Variants in PTPN4 observed in about 807,000 individuals in gnomAD.
The protein encoded by PTPN4 is protein tyrosine phosphatase non-receptor type 4, also known as tyrosine-protein phosphatase non-receptor type 4.
PTPN4 carries 49 observed loss-of-function variants against 135.5 expected under a neutral mutation model. The ratio of observed to expected loss-of-function variants is 0.36; its 90% CI spans 0.29 to 0.46. The LOEUF (loss-of-function observed/expected upper bound fraction) is 0.46, where lower values mean the gene tolerates loss of function less well. Among genes scored for constraint, PTPN4 ranks in the 20% least tolerant of loss-of-function variants. The pLI, the probability that PTPN4 is intolerant of heterozygous loss-of-function variation, is 1.00. For missense variants in PTPN4, 860 were observed against 1,101.0 expected (o/e 0.78, Z 3.10); for synonymous variants, 333 against 369.9 (o/e 0.90, Z 1.14).
At chr2:119,818,085 T>C (rs1305668209) in intron 2 of PTPN4, among the ~76,000 whole-genome samples, 3 of 152,228 alleles carry the variant, frequency 2.0e-5, no homozygotes, top group Admixed American at 6.5e-5. Context: ...GTTTTCTAGA[T>C]ATAGGATCAT....
In PTPN4 at chr2:119,977,277, A is replaced by T; in HGVS notation, c.*207A>T. On this transcript the variant is annotated 3_prime_UTR_variant, in exon 27 of 27. Transcript: ENST00000263708. ...AACTCATGTATTTGAAGACTGTTTC[A>T]TGCTTTGCTCCGAACAAATAGTAAA... is the stretch of plus-strand genomic sequence containing the variant. 1 of 824,492 alleles carries T rather than the reference A, an allele frequency of 1.2e-6. No individual in the cohort carries two copies. Among genetic ancestry groups the T allele is most frequent in the Non-Finnish European group, 1.6e-6 (1 of 610,710 alleles). The allele number at this position is 824,492 out of a possible 1,614,324, so 51.1% of individuals were successfully genotyped here.
chr2:119,850,466 T>C (rs1677574788), intron 2 of PTPN4, among the ~76,000 whole-genome samples: 1 of 152,236 alleles, frequency 6.6e-6, no homozygotes, highest in Non-Finnish European at 1.5e-5. Flanking sequence ...CATACCATTC[T>C]GGAATTTAAA....
At chr2:119,973,262 G>T (rs947618698) in intron 26 of PTPN4, among the ~76,000 whole-genome samples, 1 of 151,886 alleles carries the variant, frequency 6.6e-6, no homozygotes, top group African/African-American at 2.4e-5. Flanking sequence ...TCATGTATTT[G>T]TCTTTTTCTG....
chr2:119,847,516 G>A (rs553683583), intron 2 of PTPN4, among the ~76,000 whole-genome samples: 5 of 151,792 alleles, frequency 3.3e-5, no homozygotes, highest in African/African-American at 4.8e-5. Context: ...TAGTAGAAAC[G>A]GTATTTCTCC....
At chr2:119,899,630 A>T (rs1390842563) in intron 9 of PTPN4, among the ~76,000 whole-genome samples, 1 of 152,160 alleles carries the variant, frequency 6.6e-6, no homozygotes, top group African/African-American at 2.4e-5. Flanking sequence ...TTGGGAGCAG[A>T]TAGGCTAATA....
intron 1 of PTPN4, among the ~76,000 whole-genome samples, chr2:119,779,674 T>C (rs1259277905): frequency 1.3e-5 from 2 of 152,110 alleles, no homozygotes; most frequent in Non-Finnish European, 2.9e-5. Context: ...GGTAATTGAT[T>C]GATGATTTTT....
At chr2:119,789,456 T>G (rs1223885298) in intron 1 of PTPN4, among the ~76,000 whole-genome samples, 1 of 152,220 alleles carries the variant, frequency 6.6e-6, no homozygotes, top group East Asian at 1.9e-4. Context: ...TTTTTTTCTT[T>G]TGTTGCCCGT....
At chr2:119,837,462 G>T (rs186025836) in intron 2 of PTPN4, among the ~76,000 whole-genome samples, 15 of 151,984 alleles carry the variant, frequency 9.9e-5, no homozygotes, top group Non-Finnish European at 1.8e-4. Context: ...TCCACTGTGG[G>T]TCTCCTGAGA....
intron 5 of PTPN4, among the ~76,000 whole-genome samples, chr2:119,881,084 A>G (rs1678071149): frequency 1.3e-5 from 2 of 152,170 alleles, no homozygotes; most frequent in African/African-American, 4.8e-5. Context: ...AGTATTGACA[A>G]ATCTTTGAGT....
chr2:119,823,235 CTTT>C (rs904685057), intron 2 of PTPN4, among the ~76,000 whole-genome samples: 9 of 139,588 alleles, frequency 6.4e-5, no homozygotes, highest in Non-Finnish European at 4.7e-5. Flanking sequence ...TCATCTGTTT[CTTT>C]TTTTTTTTTT....
intron 8 of PTPN4, 51 bp downstream of exon 8, chr2:119,882,674 C>T (rs1418081624): frequency 1.5e-6 from 2 of 1,375,514 alleles, no homozygotes; most frequent in African/African-American, 3.0e-5. Flanking sequence ...GGCATTCTTT[C>T]TAGAGAAATG....
In PTPN4 at chr2:119,981,280, T is replaced by C. The variant is rs1437251512; in HGVS notation, c.*4210T>C. The C allele has an allele frequency of 6.6e-6, 1 of 152,158 alleles. No homozygotes were observed. Among genetic ancestry groups the C allele is most frequent in the East Asian group, 1.9e-4 (1 of 5,204 alleles). The allele number at this position is 152,158 out of a possible 1,614,324, so 9.4% of individuals were successfully genotyped here. On this transcript the variant is annotated 3_prime_UTR_variant, in exon 27 of 27. Coordinates refer to ENST00000263708, the MANE Select transcript of PTPN4 (RefSeq NM_002830.4). ...AGATAAATTATGCAACAGCCTGCTT[T>C]GATGAAAGCTGGTGCATTATGTGAG... is the stretch of plus-strand genomic sequence containing the variant.
At position 119,860,093 on chromosome 2, in the gene PTPN4, CAT is replaced by C. The variant is rs1420613850; in HGVS notation, c.139-2441_139-2440del. The stretch of plus-strand genomic sequence containing the variant: ...AATCCATACATTTAGTGGAAGAAAG[CAT>C]AGTTTCTTCAACCAAAGGTACATTG... On this transcript the variant is annotated intron_variant, in intron 2 of 26. Coordinates refer to ENST00000263708, the MANE Select transcript of PTPN4 (RefSeq NM_002830.4). 3.3e-5 allele frequency among the ~76,000 whole-genome samples: 5 copies of C among 152,292 alleles called. No individual in the cohort carries two copies. The East Asian group carries it at 7.7e-4, about 24-fold the overall frequency.
chr2:119,810,772 A>G (rs1691561253), intron 2 of PTPN4, among the ~76,000 whole-genome samples: 1 of 152,126 alleles, frequency 6.6e-6, no homozygotes, highest in Non-Finnish European at 1.5e-5. Flanking sequence ...CTTTACCTAA[A>G]TTGACCCAGT....
intron 2 of PTPN4, among the ~76,000 whole-genome samples, chr2:119,820,804 A>C (rs917395933): frequency 1.1e-4 from 16 of 151,768 alleles, no homozygotes; most frequent in African/African-American, 3.9e-4. Context: ...TATGCTTCCA[A>C]ATGTTTAAAA....
At chr2:119,811,816 AT>A (rs1424949384) in intron 2 of PTPN4, among the ~76,000 whole-genome samples, 1 of 152,052 alleles carries the variant, frequency 6.6e-6, no homozygotes, top group Admixed American at 6.6e-5. Flanking sequence ...AGTATGCTGT[AT>A]TTTTCAGTGT....
chr2:119,924,521 TTA>T (rs1320553260), intron 12 of PTPN4, among the ~76,000 whole-genome samples: 1 of 152,126 alleles, frequency 6.6e-6, no homozygotes, highest in Admixed American at 6.5e-5. Flanking sequence ...CTTGAATAAC[TTA>T]TAATAAGCCT....
intron 18 of PTPN4, among the ~76,000 whole-genome samples, chr2:119,950,252 A>C (rs1034509261): frequency 6.6e-6 from 1 of 152,190 alleles, no homozygotes; most frequent in Admixed American, 6.5e-5. Flanking sequence ...CATTTACAAA[A>C]ACTTGGAACT....
At chr2:119,909,125 A>G (rs2105020886) in intron 10 of PTPN4, among the ~76,000 whole-genome samples, 1 of 152,336 alleles carries the variant, frequency 6.6e-6, no homozygotes, top group Non-Finnish European at 1.5e-5. Context: ...CAGAATATCT[A>G]GCTGTCTGGC....
Sources: gnomAD v4.1 joint callset for allele counts (sites outside exome capture counted in the v4.1 genomes callset) on GRCh38, gnomAD v4.1.1 for gene constraint, MANE v1.5 for transcripts, NCBI Gene and HGNC (gene_info 2026-07-23, HGNC 2026-07-21) for gene names.